Variants in SLC39A9 observed in about 807,000 individuals in gnomAD.
The protein encoded by SLC39A9 is zinc transporter ZIP9.
Under a neutral mutation model 28.4 loss-of-function variants are expected in SLC39A9, and 14 were observed. The ratio of observed to expected loss-of-function variants is 0.49; its 90% CI spans 0.33 to 0.77. The LOEUF (loss-of-function observed/expected upper bound fraction) is 0.77. SLC39A9 is among the 30% of genes least tolerant of loss of function. The probability of loss-of-function intolerance (pLI) is 0.02; values close to 1 mark genes in which losing one functional copy is unlikely to be tolerated. For missense variants in SLC39A9, 283 were observed against 381.1 expected, an observed-to-expected ratio of 0.74 and a Z score of 2.14; for synonymous variants, 119 against 149.6, an observed-to-expected ratio of 0.80 and a Z score of 1.49.
At chr14:69,402,995 T>C (rs1359722505) in intron 1 of SLC39A9, among the ~76,000 whole-genome samples, 2 of 152,082 alleles carry the variant, frequency 1.3e-5, no homozygotes, top group African/African-American at 4.8e-5. Context: ...GACAGGAGAA[T>C]TGCTTGAACC....
chr14:69,456,791 A>G (rs1375881878), intron 6 of SLC39A9, among the ~76,000 whole-genome samples: 1 of 152,182 alleles, frequency 6.6e-6, no homozygotes. Flanking sequence ...TCAATTCAGT[A>G]TTTGGCAGTA....
intron 1 of SLC39A9, among the ~76,000 whole-genome samples, chr14:69,417,656 T>A (rs1439423257): frequency 1.3e-5 from 2 of 152,182 alleles, no homozygotes; most frequent in African/African-American, 2.4e-5. Context: ...CGTTGAGCAG[T>A]GGTTTGTAGT....
At chr14:69,438,494 G>A (rs1216982397) in intron 2 of SLC39A9, among the ~76,000 whole-genome samples, 2 of 152,014 alleles carry the variant, frequency 1.3e-5, no homozygotes, top group Non-Finnish European at 2.9e-5. Flanking sequence ...GCTTTAATAA[G>A]CATTATTAAA....
chr14:69,442,120 C>G lies in SLC39A9; in HGVS notation c.257C>G (p.Ala86Gly), dbSNP rs1292755205. The G allele has an allele frequency of 6.2e-7, 1 of 1,614,164 alleles. No homozygotes were observed. The highest frequency in any genetic ancestry group is 8.5e-7 in the Non-Finnish European group (1 of 1,180,018). ...CATAATGTGATTGCATCAGACAAAG[C>G]AGCAGAAAAATCAGTTGTCCATGAA... ...ETHNVIASDK[A>G]AEKSVVHEHE... Residue 86 changes from alanine (A) to glycine (G), a missense_variant, in exon 3 of 7, where the codon GCA becomes GGA. Transcript: ENST00000336643.
At position 69,461,457 on chromosome 14, in the gene SLC39A9, G is replaced by A. The variant is rs1009413167; in HGVS notation, c.*2864G>A. On this transcript the variant is annotated 3_prime_UTR_variant, in exon 7 of 7. Coordinates refer to ENST00000336643, the MANE Select transcript of SLC39A9 (RefSeq NM_018375.5). ...ATTCTGCACTGGAACGTAGACAGTT[G>A]GAAACAGTACTACCTACCTAGAGGT... 2 of 1,356,144 alleles carry A rather than the reference G, an allele frequency of 1.5e-6. No homozygotes were observed. Among genetic ancestry groups the A allele is most frequent in the East Asian group, 2.7e-5 (1 of 36,724 alleles). The allele number at this position is 1,356,144 out of a possible 1,614,324, so 84.0% of individuals were successfully genotyped here. A position where few individuals can be genotyped will look rare whatever the true frequency, so the allele number is the denominator to read the frequency against.
At position 69,459,596 on chromosome 14, in the gene SLC39A9, A is replaced by G. The variant is rs751787692; in HGVS notation, c.*1003A>G. ...AATTATTTCTCTTAGCAGATCAGCA[A>G]TCCCTCTAGGGACCTAAATACTAGG... On this transcript the variant is annotated 3_prime_UTR_variant, in exon 7 of 7. Coordinates refer to ENST00000336643, the MANE Select transcript of SLC39A9 (RefSeq NM_018375.5). 40 of 977,472 alleles carry G rather than the reference A, an allele frequency of 4.1e-5. 1 individual carries two copies. The highest frequency in any genetic ancestry group is 1.1e-4 in the African/African-American group (6 of 56,334). The allele number at this position is 977,472 out of a possible 1,614,324, so 60.5% of individuals were successfully genotyped here. A position where few individuals can be genotyped will look rare whatever the true frequency, so the allele number is the denominator to read the frequency against.
chr14:69,442,300 T>G (rs1185449401), intron 3 of SLC39A9, 34 bp downstream of exon 3: 2 of 1,579,588 alleles, frequency 1.3e-6, no homozygotes, highest in East Asian at 4.5e-5. Flanking sequence ...GGCAGTGCAA[T>G]ACATTTGCAG....
At chr14:69,440,614 A>T (rs566694686) in intron 2 of SLC39A9, among the ~76,000 whole-genome samples, 1 of 152,302 alleles carries the variant, frequency 6.6e-6, no homozygotes, top group East Asian at 1.9e-4. Flanking sequence ...AGACAGAGAA[A>T]GAAACAGAAG....
Position 69,435,568 on chromosome 14 carries a change from A to T in SLC39A9, c.206-6501A>T, listed in dbSNP as rs1021225788. Among the ~76,000 whole-genome samples, 10 of 152,226 alleles carry T rather than the reference A, an allele frequency of 6.6e-5. No homozygotes were observed. The South Asian group carries it at 1.2e-3, about 19-fold the overall frequency. On this transcript the variant is annotated intron_variant, in intron 2 of 6. Coordinates refer to ENST00000336643, the MANE Select transcript of SLC39A9 (RefSeq NM_018375.5). ...AAACTTTTTCTGTAAAGCATCAGAT[A>T]GTAAATATTTTAGACTTTGTGAGCC... is the stretch of plus-strand genomic sequence containing the variant.
At chr14:69,447,913 C>CAAA (rs34116080) in intron 3 of SLC39A9, among the ~76,000 whole-genome samples, 98 of 97,128 alleles carry the variant, frequency 1.0e-3, no homozygotes, top group South Asian at 3.4e-3. Flanking sequence ...GCCCTGTCTC[C>CAAA]AAAAAAAAAA....
intron 2 of SLC39A9, among the ~76,000 whole-genome samples, chr14:69,431,362 G>A (rs757463677): frequency 6.0e-5 from 9 of 150,018 alleles, no homozygotes; most frequent in African/African-American, 9.8e-5. Context: ...TAATCATGTC[G>A]TCTGTGAATA....
chr14:69,453,368 GT>G lies in SLC39A9; in HGVS notation c.472+62del, dbSNP rs1885706912. The G allele has an allele frequency of 2.6e-6, 4 of 1,520,376 alleles. No individual in the cohort carries two copies. The Admixed American group carries it at 6.7e-5, about 26-fold the overall frequency. The allele number at this position is 1,520,376 out of a possible 1,614,324, so 94.2% of individuals were successfully genotyped here. A position where few individuals can be genotyped will look rare whatever the true frequency, so the allele number is the denominator to read the frequency against. On this transcript the variant is annotated intron_variant, in intron 4 of 6. Coordinates refer to ENST00000336643, the MANE Select transcript of SLC39A9 (RefSeq NM_018375.5). The stretch of plus-strand genomic sequence containing the variant: ...TCTATCGCACAGGGGAGACCTTAGT[GT>G]TTATATTTCAGGGACCGTCCTCATT...
chr14:69,435,575 A>G (rs1884701294), intron 2 of SLC39A9, among the ~76,000 whole-genome samples: 1 of 152,114 alleles, frequency 6.6e-6, no homozygotes, highest in African/African-American at 2.4e-5. Context: ...GATAGTAAAT[A>G]TTTTAGACTT....
chr14:69,417,798 G>A (rs530196553), intron 1 of SLC39A9, among the ~76,000 whole-genome samples: 103 of 152,270 alleles, frequency 6.8e-4, no homozygotes, highest in African/African-American at 2.5e-3. Context: ...AGGAATGCTT[G>A]TGATTTTTGC....
intron 1 of SLC39A9, among the ~76,000 whole-genome samples, chr14:69,413,218 T>C (rs1883372330): frequency 6.6e-6 from 1 of 152,064 alleles, no homozygotes; most frequent in Non-Finnish European, 1.5e-5. Context: ...AAGCCAGGCA[T>C]GGTGGCAGGC....
intron 2 of SLC39A9, chr14:69,428,454 C>G (rs964601714): frequency 6.6e-6 from 1 of 152,272 alleles, no homozygotes; most frequent in East Asian, 1.9e-4. Flanking sequence ...TAAAGAAGAC[C>G]AACAATTAAC....
chr14:69,458,294 C>G (rs896517782), intron 6 of SLC39A9, 69 bp from the exon 7 acceptor site: 2 of 1,571,454 alleles, frequency 1.3e-6, no homozygotes, highest in African/African-American at 2.7e-5. Flanking sequence ...TGTTTTTTAA[C>G]TGGGACTTCT....
chr14:69,435,433 A>G (rs916564251), intron 2 of SLC39A9, among the ~76,000 whole-genome samples: 2 of 152,148 alleles, frequency 1.3e-5, no homozygotes, highest in Non-Finnish European at 2.9e-5. Flanking sequence ...AGCCAGTGCC[A>G]TTCATTTAAA....
chr14:69,458,274 G>T, intron 6 of SLC39A9, 89 bp from the exon 7 acceptor site: 1 of 1,522,416 alleles, frequency 6.6e-7, no homozygotes, highest in Non-Finnish European at 8.9e-7. Flanking sequence ...CACCAGTTAA[G>T]AACAGTGAGT....
Sources: allele counts gnomAD v4.1 joint callset (sites outside exome capture counted in the v4.1 genomes callset), GRCh38; gene constraint gnomAD v4.1.1; transcripts MANE v1.5; gene names NCBI Gene and HGNC (gene_info 2026-07-23, HGNC 2026-07-21).